HNRNPLL: variants seen among roughly 807,000 people sequenced by gnomAD.
The protein encoded by HNRNPLL is heterogeneous nuclear ribonucleoprotein L-like.
Under a neutral mutation model 67.1 loss-of-function variants are expected in HNRNPLL, and 25 were observed. The ratio of observed to expected loss-of-function variants is 0.37; its 90% CI spans 0.27 to 0.52. The LOEUF is 0.52. Ranked by LOEUF, HNRNPLL falls within the 20% of genes least tolerant of loss-of-function variation. The pLI, the probability that HNRNPLL is intolerant of heterozygous loss-of-function variation, is 0.90. For missense variants in HNRNPLL, 542 were observed against 673.9 expected (o/e 0.80, Z 2.17); for synonymous variants, 267 against 241.7 (o/e 1.10, Z -0.97).
Position 38,568,314 on chromosome 2 carries a change from C to T in HNRNPLL, c.1475-17G>A. On this transcript the variant is annotated splice_polypyrimidine_tract_variant and intron_variant, in intron 11 of 12. Coordinates refer to ENST00000449105, the MANE Select transcript of HNRNPLL (RefSeq NM_138394.4). The stretch of plus-strand genomic sequence containing the variant: ...TGGCTGAAGCTAAAACAAAAAAACA[C>T]AAACTCAGTTATTATTACTTGCTTA... 1 of 1,609,508 alleles carries T rather than the reference C, an allele frequency of 6.2e-7. No homozygotes were observed. The highest frequency in any genetic ancestry group is 8.5e-7 in the Non-Finnish European group (1 of 1,176,300).
intron 6 of HNRNPLL, among the ~76,000 whole-genome samples, chr2:38,578,156 T>C (rs186083986): frequency 2.6e-5 from 4 of 152,074 alleles, no homozygotes; most frequent in African/African-American, 4.8e-5. Context: ...TAACACCAGG[T>C]AGGACTATGA....
At position 38,602,714 on chromosome 2, in the gene HNRNPLL, G is replaced by C; in HGVS notation, c.-88C>G. 7.0e-7 allele frequency: 1 copy of C among 1,433,816 alleles called. No homozygotes were observed. Among genetic ancestry groups the C allele is most frequent in the South Asian group, 1.5e-5 (1 of 67,968 alleles). The allele number at this position is 1,433,816 out of a possible 1,614,324, so 88.8% of individuals were successfully genotyped here. A position where few individuals can be genotyped will look rare whatever the true frequency, so the allele number is the denominator to read the frequency against. ...ATGCCGCCGGCCAGTCCTCGCCGCC[G>C]GCAGCGCCTCTTCTGCGAGGGTCTC... On this transcript the variant is annotated 5_prime_UTR_variant, in exon 1 of 13. Coordinates refer to ENST00000449105, the MANE Select transcript of HNRNPLL (RefSeq NM_138394.4).
At chr2:38,591,490 C>T (rs541612688) in intron 2 of HNRNPLL, 40 bp downstream of exon 2, 2 of 1,016,150 alleles carry the variant, frequency 2.0e-6, no homozygotes, top group African/African-American at 1.6e-5. Flanking sequence ...GATTATTCTA[C>T]CACAGTTTTC....
chr2:38,599,611 G>A (rs542516639), intron 1 of HNRNPLL, among the ~76,000 whole-genome samples: 1 of 152,178 alleles, frequency 6.6e-6, no homozygotes, highest in East Asian at 1.9e-4. Context: ...CAAATTTGAA[G>A]GGTGTTTTAT....
In HNRNPLL at chr2:38,602,769, G is replaced by C; in HGVS notation, c.-143C>G. The C allele has an allele frequency of 6.6e-7, 1 of 1,523,666 alleles. No homozygotes were observed. The highest frequency in any genetic ancestry group is 1.4e-5 in the African/African-American group (1 of 69,760). The allele number at this position is 1,523,666 out of a possible 1,614,324, so 94.4% of individuals were successfully genotyped here. A position where few individuals can be genotyped will look rare whatever the true frequency, so the allele number is the denominator to read the frequency against. ...GCCCGGCCGTCCGCGGGGACTGCGC[G>C]GCCAGGAGACTGGCGGCTGAGAAGC... On this transcript the variant is annotated 5_prime_UTR_variant, in exon 1 of 13. Coordinates refer to ENST00000449105, the MANE Select transcript of HNRNPLL (RefSeq NM_138394.4).
chr2:38,585,899 G>A lies in HNRNPLL; in HGVS notation c.309-18C>T. On this transcript the variant is annotated intron_variant, in intron 2 of 12. Coordinates refer to ENST00000449105, the MANE Select transcript of HNRNPLL (RefSeq NM_138394.4). ...TCACATAGCTGAAAAGGGAGAAAAG[G>A]AGGAAACACACAAACACAGCAAGTT... 3 of 1,418,122 alleles carry A rather than the reference G, an allele frequency of 2.1e-6. No individual in the cohort carries two copies. Among genetic ancestry groups the A allele is most frequent in the East Asian group, 2.3e-5 (1 of 44,008 alleles). The allele number at this position is 1,418,122 out of a possible 1,614,324, so 87.8% of individuals were successfully genotyped here. A position where few individuals can be genotyped will look rare whatever the true frequency, so the allele number is the denominator to read the frequency against.
At chr2:38,598,773 C>T (rs1029039839) in intron 1 of HNRNPLL, among the ~76,000 whole-genome samples, 1 of 152,208 alleles carries the variant, frequency 6.6e-6, no homozygotes, top group Non-Finnish European at 1.5e-5. Flanking sequence ...AACATACTAA[C>T]ATGAAGAAAC....
chr2:38,569,725 T>G (rs1573722312), intron 9 of HNRNPLL, 79 bp downstream of exon 9: 1 of 712,966 alleles, frequency 1.4e-6, no homozygotes, highest in East Asian at 2.9e-5. Flanking sequence ...TATTCTCAAG[T>G]TGACATTAAT....
At chr2:38,588,149 G>C (rs942635289) in intron 2 of HNRNPLL, among the ~76,000 whole-genome samples, 3 of 152,052 alleles carry the variant, frequency 2.0e-5, no homozygotes, top group African/African-American at 7.2e-5. Context: ...TCTCAAATAC[G>C]TCTTTATAGC....
At chr2:38,585,071 T>C (rs1199634750) in intron 3 of HNRNPLL, among the ~76,000 whole-genome samples, 1 of 152,186 alleles carries the variant, frequency 6.6e-6, no homozygotes, top group Middle Eastern at 3.2e-3. Context: ...CCTCTATTCA[T>C]TACAAAAATT....
At chr2:38,595,075 T>C (rs1451768220) in intron 1 of HNRNPLL, among the ~76,000 whole-genome samples, 1 of 151,392 alleles carries the variant, frequency 6.6e-6, no homozygotes, top group Non-Finnish European at 1.5e-5. Context: ...GCTCAGGAGT[T>C]TGAGACTAGC....
intron 1 of HNRNPLL, among the ~76,000 whole-genome samples, chr2:38,596,141 T>A (rs1424627647): frequency 6.6e-6 from 1 of 152,134 alleles, no homozygotes; most frequent in Admixed American, 6.5e-5. Context: ...CAACTATTTG[T>A]CTACCATCAT....
In HNRNPLL at chr2:38,588,600, G is replaced by A. The variant is rs955291730; in HGVS notation, c.309-2719C>T. Reference sequence around the variant, plus strand: ...CTAAAAGCACAACTTAAAAGTGAGGGTTACCCAGAAAAGTAGCATCAATGA... The same window carrying A: ...CTAAAAGCACAACTTAAAAGTGAGGATTACCCAGAAAAGTAGCATCAATGA... On this transcript the variant is annotated intron_variant, in intron 2 of 12. Transcript: ENST00000449105. 2.0e-5 allele frequency among the ~76,000 whole-genome samples: 3 copies of A among 147,420 alleles called. No individual in the cohort carries two copies. In the South Asian group the frequency reaches 6.4e-4, roughly 32 times the overall value.
chr2:38,570,359 C>T (rs1441300542), intron 8 of HNRNPLL, among the ~76,000 whole-genome samples: 1 of 152,176 alleles, frequency 6.6e-6, no homozygotes, highest in Non-Finnish European at 1.5e-5. Flanking sequence ...CAGACATTAT[C>T]TTCTTGAACC....
intron 6 of HNRNPLL, among the ~76,000 whole-genome samples, chr2:38,580,049 A>C (rs1429251958): frequency 6.6e-6 from 1 of 152,210 alleles, no homozygotes; most frequent in Non-Finnish European, 1.5e-5. Flanking sequence ...CTTTGTGTAA[A>C]CATCAGACCC....
In HNRNPLL at chr2:38,563,873, G is replaced by C. The variant is rs1665748121; in HGVS notation, c.*309C>G. 1.7e-5 allele frequency: 4 copies of C among 229,786 alleles called. No individual in the cohort carries two copies. The highest frequency in any genetic ancestry group is 1.0e-4 in the East Asian group (1 of 9,748). 14.2% of individuals were successfully genotyped at this position (229,786 alleles called of 1,614,324 possible). A position where few individuals can be genotyped will look rare whatever the true frequency, so the allele number is the denominator to read the frequency against. ...ATGAAAAAATACTTGCAGATAATTA[G>C]CATTAAGAATGCAAATATATTTTTA... is the stretch of plus-strand genomic sequence containing the variant. On this transcript the variant is annotated 3_prime_UTR_variant, in exon 13 of 13. Transcript: ENST00000449105.
rs1321244068 is a variant in HNRNPLL, at chr2:38,566,412, C to CATA, written c.1573+1786_1573+1787insTAT. Among the ~76,000 whole-genome samples, 15 of 148,100 alleles carry CATA rather than the reference C, an allele frequency of 1.0e-4. No individual in the cohort carries two copies. The South Asian group carries it at 2.6e-3, about 25-fold the overall frequency. On this transcript the variant is annotated intron_variant, in intron 12 of 12. Coordinates refer to ENST00000449105, the MANE Select transcript of HNRNPLL (RefSeq NM_138394.4). ...AAAAAAACCAAAAAGGCCATTGTTA[C>CATA]TATTATGGAGACAAACAAACAGGTT... is the stretch of plus-strand genomic sequence containing the variant.
chr2:38,566,539 A>G lies in HNRNPLL; in HGVS notation c.1573+1660T>C, dbSNP rs73929073. ...TATCTGACAACACTCAGTGTTGCTA[A>G]GAGTGCTGAGCAATGAATATTTTCA... On this transcript the variant is annotated intron_variant, in intron 12 of 12. Coordinates refer to ENST00000449105, the MANE Select transcript of HNRNPLL (RefSeq NM_138394.4). 7.1e-3 allele frequency among the ~76,000 whole-genome samples: 1,075 copies of G among 152,298 alleles called. 18 individuals are homozygous for G. Among genetic ancestry groups the G allele is most frequent in the African/African-American group, 0.025 (1,027 of 41,560 alleles).
At chr2:38,602,162 CCCG>C (rs1023923732) in intron 1 of HNRNPLL, 586 of 467,346 alleles carry the variant, frequency 1.3e-3, no homozygotes, top group East Asian at 1.7e-3. Context: ...GCGACGCCTC[CCCG>C]CCGCCGCCGC....
Sources: allele counts gnomAD v4.1 joint callset (sites outside exome capture counted in the v4.1 genomes callset), GRCh38; gene constraint gnomAD v4.1.1; transcripts MANE v1.5; gene names NCBI Gene and HGNC (gene_info 2026-07-23, HGNC 2026-07-21).